The following CTPS2 variants were observed in gnomAD, a reference collection of about 807,000 sequenced individuals.
CTPS2 encodes CTP synthase II.
CTPS2 carries 19 observed loss-of-function variants against 46.8 expected under a neutral mutation model. The observed-to-expected ratio is 0.41, with a 90% CI of 0.28 to 0.60. CTPS2 has a LOEUF of 0.60. Ranked by LOEUF, CTPS2 falls within the 20% of genes least tolerant of loss-of-function variation. The probability of loss-of-function intolerance (pLI) is 0.35; values close to 1 mark genes in which losing one functional copy is unlikely to be tolerated. For synonymous variants in CTPS2, 151 were observed against 165.2 expected, an observed-to-expected ratio of 0.91 and a Z score of 0.66; for missense variants, 286 against 447.6, an observed-to-expected ratio of 0.64 and a Z score of 3.26.
rs180742468 is a variant in CTPS2, at chrX:16,674,453, G to A, written c.1095-3779C>T. Among the ~76,000 whole-genome samples, 12 of 111,070 alleles carry A rather than the reference G, an allele frequency of 1.1e-4. 1 individual carries two copies. In the East Asian group the frequency reaches 2.6e-3, roughly 24 times the overall value. ...GCTGGGATTACAGGCGTAAGCCACC[G>A]CATCCAGCTAACGGATTATTTTAAG... On this transcript the variant is annotated intron_variant, in intron 10 of 18. Transcript: ENST00000359276.
intron 14 of CTPS2, among the ~76,000 whole-genome samples, chrX:16,623,792 CTTTTTTTTTTT>C (rs60328217): frequency 1.3e-3 from 29 of 21,693 alleles, no homozygotes; most frequent in Admixed American, 1.8e-3. Flanking sequence ...CCCCTCAATT[CTTTTTTTTTTT>C]TTTTTTTTTT....
At chrX:16,606,315 ATCAGAGTAG>A (rs1271613827) in intron 17 of CTPS2, among the ~76,000 whole-genome samples, 1 of 112,191 alleles carries the variant, frequency 8.9e-6, no homozygotes, top group Non-Finnish European at 1.9e-5. Flanking sequence ...AGAGCCTGGC[ATCAGAGTAG>A]TCATTTGCTT....
At chrX:16,671,382 T>G (rs1921728003) in intron 10 of CTPS2, among the ~76,000 whole-genome samples, 1 of 111,152 alleles carries the variant, frequency 9.0e-6, no homozygotes, top group Non-Finnish European at 1.9e-5. Context: ...CCTGAATTCT[T>G]TCTTGAGCAA....
At chrX:16,629,249 C>A (rs1275809739) in intron 14 of CTPS2, among the ~76,000 whole-genome samples, 1 of 112,509 alleles carries the variant, frequency 8.9e-6, no homozygotes, top group East Asian at 2.8e-4. Context: ...ATGTCCCAGA[C>A]CTATGAACCT....
Position 16,689,486 on chromosome X carries a change from C to T in CTPS2, c.836G>A (p.Ser279Asn). 1 of 1,210,884 alleles carries T rather than the reference C, an allele frequency of 8.3e-7. No individual in the cohort carries two copies. ...ATTTCTCCACTTAAAAAGCAAATTA[C>T]TTGCAGAATCACCGATGGGCAGGTG... The part of the protein sequence containing the change: ...RLHLPIGDSA[S>N]NLLFKWRNMA... The change falls in exon 8 of 19, where the codon AGT (serine) becomes AAT (asparagine). Residue 279 changes from serine to asparagine, a missense_variant. Physicochemically the swap from Ser to Asn is conservative, Grantham distance 46 (BLOSUM62 1). Coordinates refer to ENST00000359276, the MANE Select transcript of CTPS2 (RefSeq NM_175859.3).
chrX:16,705,840 C>T (rs1313042626), intron 1 of CTPS2, among the ~76,000 whole-genome samples: 1 of 111,004 alleles, frequency 9.0e-6, no homozygotes, highest in African/African-American at 3.3e-5. Context: ...TGGTGGCTCA[C>T]CCCTGTAATC....
At chrX:16,678,243 C>T (rs1381089288) in intron 10 of CTPS2, 119 bp downstream of exon 10, 5 of 533,049 alleles carry the variant, frequency 9.4e-6, no homozygotes, top group Non-Finnish European at 1.7e-5. Context: ...GCAAAGACCA[C>T]AAGTACTCCA....
intron 15 of CTPS2, among the ~76,000 whole-genome samples, chrX:16,618,918 G>A (rs1414081159): frequency 9.0e-6 from 1 of 111,386 alleles, no homozygotes; most frequent in Non-Finnish European, 1.9e-5. Context: ...CTAACAAGAG[G>A]GAGACCATGT....
At chrX:16,683,284 A>T in intron 8 of CTPS2, 58 bp from the exon 9 acceptor site, 1 of 1,136,842 alleles carries the variant, frequency 8.8e-7, no homozygotes, top group Non-Finnish European at 1.2e-6. Flanking sequence ...CACAAACAGA[A>T]CAATGGCAGC....
chrX:16,590,511 C>T (rs976407366), intron 18 of CTPS2, among the ~76,000 whole-genome samples: 3 of 111,579 alleles, frequency 2.7e-5, no homozygotes, highest in Non-Finnish European at 3.8e-5. Context: ...ACAACAGCCC[C>T]CACATATACA....
chrX:16,607,527 G>A (rs931770129), intron 17 of CTPS2, among the ~76,000 whole-genome samples: 13 of 113,009 alleles, frequency 1.2e-4, no homozygotes, highest in African/African-American at 4.2e-4. Context: ...TGCACTGAAA[G>A]GGGTGAACAT....
chrX:16,604,364 G>A (rs1371164965), intron 17 of CTPS2, among the ~76,000 whole-genome samples: 1 of 112,585 alleles, frequency 8.9e-6, no homozygotes. Flanking sequence ...CACTGTCCAA[G>A]GAAGAGAGTT....
In CTPS2 at chrX:16,611,522, T is replaced by TA. The variant is rs34923654; in HGVS notation, c.1547-1838dup. On this transcript the variant is annotated intron_variant, in intron 16 of 18. Transcript: ENST00000359276. ...CATCCAAAATGAAAGTTGAAATTAT[T>TA]AAAAAAAAAAAAAAAAAGCTCTGCT... 6.5e-3 allele frequency among the ~76,000 whole-genome samples: 555 copies of TA among 84,881 alleles called. 2 individuals are homozygous for TA. Among genetic ancestry groups the TA allele is most frequent in the Middle Eastern group, 0.03 (5 of 167 alleles). 73.7% of individuals were successfully genotyped at this position (84,881 alleles called of 115,157 possible). A position where few individuals can be genotyped will look rare whatever the true frequency, so the allele number is the denominator to read the frequency against.
intron 9 of CTPS2, 132 bp downstream of exon 9, chrX:16,682,962 C>T (rs985417579): frequency 3.0e-6 from 2 of 664,404 alleles, no homozygotes; most frequent in African/African-American, 2.4e-5. Context: ...TATGATGAGT[C>T]CTGTGAGTTC....
chrX:16,671,333 T>G (rs1921724963), intron 10 of CTPS2, among the ~76,000 whole-genome samples: 1 of 110,333 alleles, frequency 9.1e-6, no homozygotes, highest in African/African-American at 3.3e-5. Context: ...GTCCTTACTT[T>G]CCTAATAAAC....
At chrX:16,695,002 AAACAACAAC>A (rs10651987) in intron 4 of CTPS2, among the ~76,000 whole-genome samples, 2 of 106,925 alleles carry the variant, frequency 1.9e-5, no homozygotes, top group African/African-American at 3.5e-5. Flanking sequence ...TCTCTTTAAA[AAACAACAAC>A]AACAACAACA....
chrX:16,618,329 C>G (rs1237061643), intron 15 of CTPS2, among the ~76,000 whole-genome samples: 2 of 111,749 alleles, frequency 1.8e-5, no homozygotes, highest in East Asian at 5.6e-4. Flanking sequence ...CCACATTTTG[C>G]TTATCTATTC....
chrX:16,681,251 AAAG>A (rs1336640812), intron 9 of CTPS2, among the ~76,000 whole-genome samples: 1 of 111,823 alleles, frequency 8.9e-6, no homozygotes, highest in Admixed American at 9.6e-5. Flanking sequence ...AGTGATTAGG[AAAG>A]AAGGAGGCTA....
chrX:16,697,432 CTTTT>C (rs5901594), intron 4 of CTPS2, among the ~76,000 whole-genome samples: 52 of 59,591 alleles, frequency 8.7e-4, no homozygotes, highest in Middle Eastern at 9.3e-3. Context: ...TCAAATACGA[CTTTT>C]TTTTTTTTTT....
Sources: gnomAD v4.1 joint callset for allele counts (sites outside exome capture counted in the v4.1 genomes callset) on GRCh38, gnomAD v4.1.1 for gene constraint, MANE v1.5 for transcripts, NCBI Gene and HGNC (gene_info 2026-07-23, HGNC 2026-07-21) for gene names.